FBXO15: variants seen among roughly 807,000 people sequenced by gnomAD.
FBXO15 encodes F-box only protein 15.
In FBXO15, 30 loss-of-function variants were observed where a neutral mutation model predicts 49.5. That is an observed-to-expected ratio of 0.61 (90% CI 0.45 to 0.82). FBXO15 has a LOEUF of 0.82. FBXO15 is among the 40% of genes least tolerant of loss of function. The pLI is 0.00. For synonymous variants in FBXO15, 250 were observed against 232.7 expected, an observed-to-expected ratio of 1.07 and a Z score of -0.68; for missense variants, 591 against 631.5, an observed-to-expected ratio of 0.94 and a Z score of 0.69.
intron 8 of FBXO15, chr18:74,099,988 G>A (rs1216691773): frequency 6.6e-6 from 1 of 152,128 alleles, no homozygotes; most frequent in East Asian, 1.9e-4. Flanking sequence ...ATACTCCACT[G>A]ACAGCTCTAG....
rs754086343 is a variant in FBXO15, at chr18:74,130,468, T to C, written c.523A>G (p.Lys175Glu). The C allele has an allele frequency of 4.3e-6, 7 of 1,614,056 alleles. No individual in the cohort carries two copies. The East Asian group carries it at 1.6e-4, about 36-fold the overall frequency. The change falls in exon 4 of 10, where the codon AAA becomes GAA. Residue 175 changes from lysine (K) to glutamate (E), a missense_variant. Transcript: ENST00000419743. Reference protein sequence around the residue: ...SVKAALADILKPVNPYTGLPV... With the variant: ...SVKAALADILEPVNPYTGLPV... ...AGGCCTGTGTAAGGGTTGACAGGTT[T>C]GAGAATGTCAGCTAGTGCGGCTTTT...
chr18:74,124,153 G>T (rs182851540), intron 7 of FBXO15, among the ~76,000 whole-genome samples: 1 of 152,222 alleles, frequency 6.6e-6, no homozygotes, highest in African/African-American at 2.4e-5. Context: ...TTCAGCCCAA[G>T]GGCCATGAGT....
chr18:74,094,401 C>T (rs915960545), intron 8 of FBXO15, among the ~76,000 whole-genome samples: 13 of 152,276 alleles, frequency 8.5e-5, no homozygotes, highest in African/African-American at 2.2e-4. Flanking sequence ...CTCCCCACTT[C>T]GCCTTCCACC....
intron 8 of FBXO15, among the ~76,000 whole-genome samples, chr18:74,094,289 T>C (rs1279686479): frequency 6.6e-6 from 1 of 152,200 alleles, no homozygotes; most frequent in Non-Finnish European, 1.5e-5. Context: ...TTGGTACTAT[T>C]CTTATGATAG....
chr18:74,120,690 A>G (rs1008110357), intron 8 of FBXO15, among the ~76,000 whole-genome samples: 6 of 152,360 alleles, frequency 3.9e-5, no homozygotes, highest in Admixed American at 6.5e-5. Context: ...GTGGAAGTTC[A>G]TAGCACCAAA....
intron 8 of FBXO15, among the ~76,000 whole-genome samples, chr18:74,084,443 C>T (rs1047336761): frequency 7.2e-5 from 11 of 152,220 alleles, no homozygotes; most frequent in Admixed American, 1.3e-4. Flanking sequence ...GCGCCTCAGG[C>T]GGGCAGGAGC....
intron 8 of FBXO15, among the ~76,000 whole-genome samples, chr18:74,093,264 G>GT (rs35793189): frequency 2.4e-4 from 2 of 8,316 alleles, no homozygotes; most frequent in Non-Finnish European, 2.0e-3. Context: ...GCAAAACAAT[G>GT]GGGGGGGGGT....
At chr18:74,132,930 T>C (rs1476420598) in intron 3 of FBXO15, among the ~76,000 whole-genome samples, 1 of 152,224 alleles carries the variant, frequency 6.6e-6, no homozygotes, top group African/African-American at 2.4e-5. Flanking sequence ...GCTGCTGGGA[T>C]GGGGCACTGG....
At chr18:74,111,296 C>T (rs561254212) in intron 8 of FBXO15, among the ~76,000 whole-genome samples, 1 of 138,222 alleles carries the variant, frequency 7.2e-6, no homozygotes, top group South Asian at 2.4e-4. Flanking sequence ...AAACATAAAA[C>T]ACACCTTAAC....
Position 74,075,122 on chromosome 18 carries a change from C to T in FBXO15, c.1264-1392G>A, listed in dbSNP as rs776718248. On this transcript the variant is annotated intron_variant, in intron 9 of 9. Coordinates refer to ENST00000419743, the MANE Select transcript of FBXO15 (RefSeq NM_001142958.2). The surrounding 1 kb of genome is among the most constrained non-coding windows in gnomAD (Gnocchi z 4.1). ...CTGCACCATCCTCAGCTCGGCCTGA[C>T]GGTCCCACCCTGGCTCTCTGGGTGG... Among the ~76,000 whole-genome samples, 7 of 152,208 alleles carry T rather than the reference C, an allele frequency of 4.6e-5. No homozygotes were observed. Among genetic ancestry groups the T allele is most frequent in the Non-Finnish European group, 7.3e-5 (5 of 68,038 alleles).
intron 8 of FBXO15, among the ~76,000 whole-genome samples, chr18:74,112,700 T>C (rs1914082056): frequency 6.6e-6 from 1 of 152,142 alleles, no homozygotes; most frequent in Admixed American, 6.5e-5. Flanking sequence ...GTATCCTGAT[T>C]GGGAAGGAAG....
chr18:74,144,748 A>G (rs1009337975), intron 1 of FBXO15, among the ~76,000 whole-genome samples: 1 of 152,224 alleles, frequency 6.6e-6, no homozygotes, highest in Non-Finnish European at 1.5e-5. Context: ...TTTTGCAGAC[A>G]AAGAAGATGC....
At chr18:74,111,333 A>G (rs1432359059) in intron 8 of FBXO15, among the ~76,000 whole-genome samples, 2 of 152,000 alleles carry the variant, frequency 1.3e-5, no homozygotes, top group Non-Finnish European at 2.9e-5. Context: ...AAATCATACA[A>G]CGTCTGCAAA....
chr18:74,134,953 G>C (rs1460566108), intron 3 of FBXO15, among the ~76,000 whole-genome samples: 1 of 152,164 alleles, frequency 6.6e-6, no homozygotes, highest in Non-Finnish European at 1.5e-5. Context: ...CTGACATGCA[G>C]GTTCTATGTA....
chr18:74,091,044 C>CT (rs1396166331), intron 8 of FBXO15, among the ~76,000 whole-genome samples: 2 of 152,154 alleles, frequency 1.3e-5, no homozygotes, highest in African/African-American at 4.8e-5. Flanking sequence ...TCATAGGTCT[C>CT]TAAGAACTTG....
At chr18:74,144,015 T>C (rs1979249117) in intron 1 of FBXO15, among the ~76,000 whole-genome samples, 1 of 152,214 alleles carries the variant, frequency 6.6e-6, no homozygotes, top group African/African-American at 2.4e-5. Context: ...GCACCCACAA[T>C]ATGCCTGGCA....
At chr18:74,114,951 A>G (rs1914165581) in intron 8 of FBXO15, among the ~76,000 whole-genome samples, 1 of 152,148 alleles carries the variant, frequency 6.6e-6, no homozygotes, top group Non-Finnish European at 1.5e-5. Context: ...CTTTTTATTC[A>G]CTATCAGGTA....
At chr18:74,135,927 T>G in intron 2 of FBXO15, 61 bp from the exon 3 acceptor site, 2 of 1,384,042 alleles carry the variant, frequency 1.4e-6, no homozygotes, top group Non-Finnish European at 2.0e-6. Context: ...AATCTGCAGA[T>G]TACCCAGAAA....
rs752424987 is a variant in FBXO15 at position 74,073,530 on chromosome 18, G to A, written c.1464C>T (p.Tyr488=). The A allele has an allele frequency of 1.2e-6, 2 of 1,614,046 alleles. No homozygotes were observed. Among genetic ancestry groups the A allele is most frequent in the South Asian group, 1.1e-5 (1 of 91,066 alleles). The change falls in exon 10 of 10, where the codon TAC becomes TAT. Residue 488 remains tyrosine, a synonymous_variant. Coordinates refer to ENST00000419743, the MANE Select transcript of FBXO15 (RefSeq NM_001142958.2). ...ELVWIRETEE[Y]LIVNLVLYLS... is the part of the protein sequence containing the mutation. Reference sequence around the variant, plus strand: ...GATAAAGGACCAGGTTGACAATAAGGTATTCTTCGGTCTCTCTGATCCACA... The same window carrying A: ...GATAAAGGACCAGGTTGACAATAAGATATTCTTCGGTCTCTCTGATCCACA...
Sources: gnomAD v4.1 joint callset for allele counts (sites outside exome capture counted in the v4.1 genomes callset) on GRCh38, gnomAD v4.1.1 for gene constraint, Gnocchi (gnomAD v3.1) non-coding constraint, MANE v1.5 for transcripts, NCBI Gene and HGNC (gene_info 2026-07-23, HGNC 2026-07-21) for gene names.